GPR35: variants seen among roughly 807,000 people sequenced by gnomAD.
GPR35 encodes the protein KYNA receptor.
For missense variants in GPR35, 372 were observed against 422.5 expected, an observed-to-expected ratio of 0.88 and a Z score of 1.05; for synonymous variants, 207 against 198.4, an observed-to-expected ratio of 1.04 and a Z score of -0.36.
chr2:240,628,802 G>C (rs2043406091), intron 1 of GPR35: 1 of 152,282 alleles, frequency 6.6e-6, no homozygotes, highest in Non-Finnish European at 1.5e-5. Context: ...AGGACAGCCT[G>C]ATGGTTGGGG....
intron 5 of GPR35, among the ~76,000 whole-genome samples, chr2:240,620,333 A>G (rs2043279089): frequency 6.6e-6 from 1 of 152,032 alleles, no homozygotes; most frequent in African/African-American, 2.4e-5. Context: ...AGATGCCTCG[A>G]CACCCCATAG....
At chr2:240,614,993 CGA>C (rs1481388834) in intron 2 of GPR35, among the ~76,000 whole-genome samples, 1 of 151,636 alleles carries the variant, frequency 6.6e-6, no homozygotes, top group Non-Finnish European at 1.5e-5. Context: ...TGTTTATATG[CGA>C]GTGTGCATGT....
At chr2:240,628,330 T>A (rs34826997) in intron 1 of GPR35, 7,910 of 151,856 alleles carry the variant, frequency 0.052, 266 homozygotes, top group Non-Finnish European at 0.077. Context: ...GGAACGAGGG[T>A]GAAGTGTTGC....
intron 1 of GPR35, chr2:240,628,549 C>A (rs1412577504): frequency 6.6e-6 from 1 of 152,238 alleles, no homozygotes; most frequent in East Asian, 1.9e-4. Flanking sequence ...TGCCCTCCAT[C>A]CCTCATGGAC....
At position 240,630,339 on chromosome 2, in the gene GPR35, C is replaced by G. The variant is rs755320648; in HGVS notation, c.387C>G (p.Ser129=). 1.1e-5 allele frequency: 17 copies of G among 1,598,910 alleles called. No homozygotes were observed. The highest frequency in any genetic ancestry group is 1.4e-5 in the Non-Finnish European group (17 of 1,175,596). The change falls in exon 2 of 2, where the codon TCC becomes TCG. Residue 129 remains serine (S), a synonymous_variant. Transcript: ENST00000407714. ...CGCTGCGTGCCCGCGGGCTGCGGTCCCCCAGGCAGGCTGCGGCCGTGTGCG... is the reference window on the plus strand; with the variant it reads ...CGCTGCGTGCCCGCGGGCTGCGGTCGCCCAGGCAGGCTGCGGCCGTGTGCG... ...RHPLRARGLR[S]PRQAAAVCAV...
At chr2:240,621,485 C>T (rs1296383977), upstream of GPR35, among the ~76,000 whole-genome samples, 1 of 152,028 alleles carries the variant, frequency 6.6e-6, no homozygotes, top group Non-Finnish European at 1.5e-5. Flanking sequence ...GAACTCCTGA[C>T]CTCGTGATCC....
exon 3 of GPR35, chr2:240,616,453 C>G (rs1333826046): frequency 1.3e-6 from 1 of 780,738 alleles, no homozygotes; most frequent in Non-Finnish European, 2.4e-6. Flanking sequence ...GGCTGGAGTT[C>G]CCATGCCTGC....
chr2:240,620,203 G>A (rs1057303118), intron 5 of GPR35, among the ~76,000 whole-genome samples: 2 of 152,194 alleles, frequency 1.3e-5, no homozygotes, highest in East Asian at 3.9e-4. Context: ...GCAGGCAGTG[G>A]GAGCCATCAG....
At chr2:240,622,892 C>A (rs994520941), upstream of GPR35, among the ~76,000 whole-genome samples, 6 of 152,354 alleles carry the variant, frequency 3.9e-5, no homozygotes, top group African/African-American at 1.4e-4. Flanking sequence ...CACAGCAGGA[C>A]CCTGGCTGCC....
intron 1 of GPR35, among the ~76,000 whole-genome samples, chr2:240,627,179 G>C (rs180768358): frequency 0.01 from 1,550 of 152,290 alleles, 19 homozygotes; most frequent in Non-Finnish European, 0.015. Flanking sequence ...GGCCAGCTAC[G>C]GTCCACGGCC....
intron 2 of GPR35, among the ~76,000 whole-genome samples, chr2:240,608,425 G>A (rs759195859): frequency 1.3e-5 from 2 of 152,084 alleles, no homozygotes; most frequent in African/African-American, 2.4e-5. Context: ...TCTTTATCAC[G>A]TTGAGGAAGT....
chr2:240,615,642 A>G (rs1032377649), intron 2 of GPR35, among the ~76,000 whole-genome samples: 3 of 152,266 alleles, frequency 2.0e-5, no homozygotes, highest in African/African-American at 7.2e-5. Context: ...GCCAGACATC[A>G]TATCCTTCTA....
chr2:240,605,592 C>G (rs569658949), intron 1 of GPR35: 3 of 152,466 alleles, frequency 2.0e-5, no homozygotes, highest in South Asian at 4.1e-4. Flanking sequence ...GATCCTGTGT[C>G]CTGAGAGCGG....
Position 240,631,095 on chromosome 2 carries a change from G to A in GPR35, c.*213G>A. 2 of 598,380 alleles carry A rather than the reference G, an allele frequency of 3.3e-6. No homozygotes were observed. Among genetic ancestry groups the A allele is most frequent in the Non-Finnish European group, 6.1e-6 (2 of 328,278 alleles). 37.1% of individuals were successfully genotyped at this position (598,380 alleles called of 1,614,324 possible). On this transcript the variant is annotated 3_prime_UTR_variant, in exon 2 of 2. Coordinates refer to ENST00000407714, the MANE Select transcript of GPR35 (RefSeq NM_005301.5). ...CAAGGGCAAGAGGACTGAGGCCAGAGCAAGGCCAATGTCAGAGACCCCCGG... is the reference window on the plus strand; with the variant it reads ...CAAGGGCAAGAGGACTGAGGCCAGAACAAGGCCAATGTCAGAGACCCCCGG...
intron 3 of GPR35, chr2:240,616,923 A>G: frequency 1.3e-6 from 1 of 768,986 alleles, no homozygotes; most frequent in East Asian, 2.4e-5. Context: ...GAACCAGGGA[A>G]GATTTGGGGT....
At chr2:240,619,259 C>G (rs998577064) in intron 5 of GPR35, among the ~76,000 whole-genome samples, 2 of 152,264 alleles carry the variant, frequency 1.3e-5, no homozygotes, top group East Asian at 3.9e-4. Context: ...TTGTGTTTCT[C>G]TTTTTATGAT....
At chr2:240,613,823 C>T (rs916100953) in intron 2 of GPR35, among the ~76,000 whole-genome samples, 1 of 151,244 alleles carries the variant, frequency 6.6e-6, no homozygotes, top group African/African-American at 2.4e-5. Flanking sequence ...AACCATAACA[C>T]TAACTCCAAC....
At position 240,632,768 on chromosome 2, in the gene GPR35, A is replaced by G. The variant is rs1273655537; in HGVS notation, c.*1886A>G. The stretch of plus-strand genomic sequence containing the variant: ...GCCAGTTCATGCACAGGAGGGCCCC[A>G]TGCCTAAAAGTGTCCATGCCCAGGA... On this transcript the variant is annotated 3_prime_UTR_variant, in exon 2 of 2. Transcript: ENST00000407714. Among the ~76,000 whole-genome samples, 1 of 152,034 alleles carries G rather than the reference A, an allele frequency of 6.6e-6. No homozygotes were observed. The highest frequency in any genetic ancestry group is 2.4e-5 in the African/African-American group (1 of 41,386).
chr2:240,613,679 C>G (rs1046382330), intron 2 of GPR35, among the ~76,000 whole-genome samples: 2 of 151,506 alleles, frequency 1.3e-5, no homozygotes, highest in Non-Finnish European at 2.9e-5. Flanking sequence ...AACCCTAAAC[C>G]TAACCATAAC....
Sources: allele counts gnomAD v4.1 joint callset (sites outside exome capture counted in the v4.1 genomes callset), GRCh38; gene constraint gnomAD v4.1.1; transcripts MANE v1.5; gene names NCBI Gene and HGNC (gene_info 2026-07-23, HGNC 2026-07-21).